Variants in ARMC6 observed in about 807,000 individuals in gnomAD.
ARMC6 encodes the protein armadillo repeat-containing protein 6.
ARMC6 carries 43 observed loss-of-function variants against 49.2 expected under a neutral mutation model. That is an observed-to-expected ratio of 0.87 (90% CI 0.69 to 1.13). ARMC6 has a LOEUF of 1.13. Among genes scored for constraint, ARMC6 ranks in the 50% most tolerant of loss-of-function variants. The pLI, the probability that ARMC6 is intolerant of heterozygous loss-of-function variation, is 0.00. For missense variants in ARMC6, 627 were observed against 682.0 expected (o/e 0.92, Z 0.90); for synonymous variants, 262 against 289.6 (o/e 0.90, Z 0.97).
At chr19:19,044,213 C>A in intron 4 of ARMC6, 139 bp downstream of exon 4, 1 of 841,028 alleles carries the variant, frequency 1.2e-6, no homozygotes, top group Non-Finnish European at 1.9e-6. Context: ...GAGTTTGCAG[C>A]CAGGTCTCCC....
At chr19:19,040,505 G>A (rs546926689) in intron 2 of ARMC6, among the ~76,000 whole-genome samples, 36 of 152,122 alleles carry the variant, frequency 2.4e-4, no homozygotes, top group Non-Finnish European at 4.1e-4. Context: ...TGAACTCCTG[G>A]ATTCAAGTGA....
At chr19:19,038,068 A>G (rs1298455613) in intron 2 of ARMC6, among the ~76,000 whole-genome samples, 3 of 152,180 alleles carry the variant, frequency 2.0e-5, no homozygotes, top group Non-Finnish European at 4.4e-5. Flanking sequence ...CACGAACCCT[A>G]CTGTGAACTG....
chr19:19,057,465 T>C lies in ARMC6; in HGVS notation c.1343T>C (p.Phe448Ser). 1 of 1,613,970 alleles carries C rather than the reference T, an allele frequency of 6.2e-7. No homozygotes were observed. The highest frequency in any genetic ancestry group is 1.7e-5 in the Admixed American group (1 of 60,016). ...IRNLVAHGQA[F>S]SKPILDLGAE... is the part of the protein sequence containing the mutation. The stretch of plus-strand genomic sequence containing the variant: ...AACCTGGTGGCCCACGGCCAGGCCT[T>C]CTCGAAGCCCATCCTGGACCTGGGG... The change falls in exon 9 of 9, where the codon TTC becomes TCC. Residue 448 changes from phenylalanine to serine, a missense_variant. Physicochemically the swap from Phe to Ser is radical, Grantham distance 155. Coordinates refer to ENST00000535612, the MANE Select transcript of ARMC6 (RefSeq NM_001199196.2).
rs77945314 is a variant in ARMC6, at chr19:19,038,974, C to G, written c.30-3737C>G. 1.6e-3 allele frequency among the ~76,000 whole-genome samples: 238 copies of G among 152,108 alleles called. 4 individuals carry two copies. The East Asian group carries it at 0.04, about 26-fold the overall frequency. On this transcript the variant is annotated intron_variant, in intron 2 of 8. Transcript: ENST00000535612. Reference sequence around the variant, plus strand: ...TCACTGTGTTGCCGCAGGCTGGTCTCAAACTCCTGTGCTTGAGTGATCCCC... The same window carrying G: ...TCACTGTGTTGCCGCAGGCTGGTCTGAAACTCCTGTGCTTGAGTGATCCCC...
At chr19:19,038,284 G>A (rs1334303731) in intron 2 of ARMC6, among the ~76,000 whole-genome samples, 1 of 152,172 alleles carries the variant, frequency 6.6e-6, no homozygotes, top group Admixed American at 6.5e-5. Context: ...TAAATGTAAT[G>A]AGCTTGAACA....
chr19:19,042,880 A>G lies in ARMC6; in HGVS notation c.196+3A>G, dbSNP rs894137888. 4 of 1,613,470 alleles carry G rather than the reference A, an allele frequency of 2.5e-6. No individual in the cohort carries two copies. The highest frequency in any genetic ancestry group is 2.2e-5 in the East Asian group (1 of 44,894). ...CGTGGAGCAGTTTGAATCGCAAGGTAGGGTGGTGTGACTGTCACCTACCAT... is the reference window on the plus strand; with the variant it reads ...CGTGGAGCAGTTTGAATCGCAAGGTGGGGTGGTGTGACTGTCACCTACCAT... On this transcript the variant is annotated splice_donor_region_variant and intron_variant, in intron 3 of 8. Transcript: ENST00000535612.
chr19:19,053,995 G>A (rs2059521455), intron 5 of ARMC6, among the ~76,000 whole-genome samples, 157 bp from the exon 6 acceptor site: 1 of 151,980 alleles, frequency 6.6e-6, no homozygotes, highest in Non-Finnish European at 1.5e-5. Flanking sequence ...GCAGGCCCAG[G>A]TAGCCCCTGG....
chr19:19,034,352 G>A, intron 2 of ARMC6, 114 bp downstream of exon 2: 1 of 1,333,324 alleles, frequency 7.5e-7, no homozygotes, highest in Admixed American at 2.0e-5. Context: ...AGAAAGGCGG[G>A]GAAGAGGAAC....
At chr19:19,056,871 C>G (rs1024349104) in intron 8 of ARMC6, among the ~76,000 whole-genome samples, 2 of 152,218 alleles carry the variant, frequency 1.3e-5, no homozygotes, top group Admixed American at 6.5e-5. Flanking sequence ...TGGTCTGACC[C>G]CTTGTCCACT....
chr19:19,043,741 G>C (rs970178904), intron 3 of ARMC6, among the ~76,000 whole-genome samples: 1 of 152,146 alleles, frequency 6.6e-6, no homozygotes, highest in African/African-American at 2.4e-5. Context: ...GGCCTGTGAT[G>C]ACAGCCTTGT....
rs2059430382 is a variant in ARMC6 at position 19,044,035 on chromosome 19, T to A, written c.240T>A (p.Ser80=). ...SNIVKTAPKV[S]ADGSQEPTHD... ...TTGTAAAGACGGCACCTAAAGTCTC[T>A]GCAGACGGATCCCAGGAGCCCACAC... The change falls in exon 4 of 9, where the codon TCT becomes TCA. Residue 80 remains serine, a synonymous_variant. Coordinates refer to ENST00000535612, the MANE Select transcript of ARMC6 (RefSeq NM_001199196.2). The A allele has an allele frequency of 4.3e-6, 7 of 1,614,124 alleles. No homozygotes were observed. Among genetic ancestry groups the A allele is most frequent in the Middle Eastern group, 1.6e-4 (1 of 6,062 alleles).
chr19:19,048,735 C>T (rs1454277485), intron 4 of ARMC6, among the ~76,000 whole-genome samples: 2 of 152,102 alleles, frequency 1.3e-5, no homozygotes, highest in Non-Finnish European at 2.9e-5. Context: ...AGGGAAAAGA[C>T]CTGGAAAGGG....
chr19:19,040,677 G>C (rs1157612852), intron 2 of ARMC6: 3 of 310,098 alleles, frequency 9.7e-6, no homozygotes, highest in African/African-American at 2.4e-5. Context: ...TTGCAACATC[G>C]TCTGACTGTC....
intron 4 of ARMC6, 65 bp from the exon 5 acceptor site, chr19:19,051,557 C>G: frequency 1.4e-6 from 2 of 1,438,456 alleles, no homozygotes; most frequent in Non-Finnish European, 1.9e-6. Context: ...GGTCCAGACA[C>G]TGTTGCTGTG....
intron 2 of ARMC6, among the ~76,000 whole-genome samples, chr19:19,037,159 T>C (rs2059376606): frequency 6.6e-6 from 1 of 151,512 alleles, no homozygotes; most frequent in African/African-American, 2.4e-5. Context: ...CATTCCAACC[T>C]GGGCGACAGA....
At chr19:19,037,482 T>C in intron 2 of ARMC6, 1 of 405,084 alleles carries the variant, frequency 2.5e-6, no homozygotes, top group South Asian at 1.8e-5. Context: ...GGCTCCCACC[T>C]CAGCCTCCCA....
rs536703726 is a variant in ARMC6, at chr19:19,055,023, GC to G, written c.1024-240del. Among the ~76,000 whole-genome samples the G allele has an allele frequency of 3.9e-3, 595 of 152,308 alleles. 2 individuals are homozygous for G. The highest frequency in any genetic ancestry group is 6.5e-3 in the Non-Finnish European group (444 of 68,018). On this transcript the variant is annotated intron_variant, in intron 6 of 8. Transcript: ENST00000535612. The surrounding 1 kb of genome is among the most constrained non-coding windows in gnomAD (Gnocchi z 5.7). The stretch of plus-strand genomic sequence containing the variant: ...GACAGGGGGACCCTGTGCTCTGAAG[GC>G]CGGCCTGAGTCACATGCCCCCGCTG...
intron 4 of ARMC6, among the ~76,000 whole-genome samples, chr19:19,045,933 G>GA (rs796331428): frequency 3.4e-4 from 52 of 152,228 alleles, no homozygotes; most frequent in African/African-American, 1.2e-3. Flanking sequence ...TTACAGGCGT[G>GA]AGCCACTATG....
At chr19:19,037,264 C>A (rs994081190) in intron 2 of ARMC6, among the ~76,000 whole-genome samples, 1 of 152,056 alleles carries the variant, frequency 6.6e-6, no homozygotes, top group Non-Finnish European at 1.5e-5. Context: ...GTCCTTCTCC[C>A]GTCAGGCAGT....
Sources: gnomAD v4.1 joint callset for allele counts (sites outside exome capture counted in the v4.1 genomes callset) on GRCh38, gnomAD v4.1.1 for gene constraint, Gnocchi (gnomAD v3.1) non-coding constraint, MANE v1.5 for transcripts, NCBI Gene and HGNC (gene_info 2026-07-23, HGNC 2026-07-21) for gene names.